The following SMC2 variants were observed in gnomAD, a reference collection of about 807,000 sequenced individuals.
SMC2 encodes the protein structural maintenance of chromosomes protein 2.
In SMC2, 41 loss-of-function variants were observed where a neutral mutation model predicts 142.6. That is an observed-to-expected ratio of 0.29 (90% CI 0.22 to 0.37). The LOEUF (loss-of-function observed/expected upper bound fraction) is 0.37, where lower values mean the gene tolerates loss of function less well. Among genes scored for constraint, SMC2 ranks in the 10% least tolerant of loss-of-function variants. The pLI, the probability that SMC2 is intolerant of heterozygous loss-of-function variation, is 1.00. For missense variants in SMC2, 1,265 were observed against 1,373.7 expected, an observed-to-expected ratio of 0.92 and a Z score of 1.25; for synonymous variants, 463 against 457.5, an observed-to-expected ratio of 1.01 and a Z score of -0.15.
At chr9:104,095,037 A>G (rs1830302117) in intron 1 of SMC2, among the ~76,000 whole-genome samples, 1 of 152,188 alleles carries the variant, frequency 6.6e-6, no homozygotes, top group African/African-American at 2.4e-5. Context: ...GGGATATGTA[A>G]TAATCCATAG....
Position 104,120,179 on chromosome 9 carries a change from CT to C in SMC2, c.2132+24del. On this transcript the variant is annotated intron_variant, in intron 16 of 24. Coordinates refer to ENST00000374793, the MANE Select transcript of SMC2 (RefSeq NM_006444.3). The stretch of plus-strand genomic sequence containing the variant: ...TGCTGAAAAGTAAGAACTGCATATA[CT>C]TTTTTTAATTAAAGATTTGCATAGT... 1.3e-6 allele frequency: 2 copies of C among 1,563,248 alleles called. No homozygotes were observed. The highest frequency in any genetic ancestry group is 1.7e-6 in the Non-Finnish European group (2 of 1,161,370).
Position 104,120,223 on chromosome 9 carries a change from T to G in SMC2, c.2132+61T>G, listed in dbSNP as rs1833575162. Reference sequence around the variant, plus strand: ...TGCATAGTAGAAAATGATAGAAAATTTACTTTTATTTCAAGAAATACAGCT... The same window carrying G: ...TGCATAGTAGAAAATGATAGAAAATGTACTTTTATTTCAAGAAATACAGCT... On this transcript the variant is annotated intron_variant, in intron 16 of 24. Transcript: ENST00000374793. The G allele has an allele frequency of 4.2e-6, 6 of 1,416,840 alleles. No individual in the cohort carries two copies. The South Asian group carries it at 6.9e-5, about 16-fold the overall frequency. 87.8% of individuals were successfully genotyped at this position (1,416,840 alleles called of 1,614,324 possible). A position where few individuals can be genotyped will look rare whatever the true frequency, so the allele number is the denominator to read the frequency against.
chr9:104,127,871 C>T (rs972248792), intron 20 of SMC2, among the ~76,000 whole-genome samples: 1 of 152,096 alleles, frequency 6.6e-6, no homozygotes, highest in Non-Finnish European at 1.5e-5. Context: ...TACAGGTAAT[C>T]TAAAAAAAGG....
intron 14 of SMC2, among the ~76,000 whole-genome samples, chr9:104,117,607 A>T (rs1035007781): frequency 6.6e-6 from 1 of 152,204 alleles, no homozygotes; most frequent in Non-Finnish European, 1.5e-5. Flanking sequence ...GTGAAATCAA[A>T]TTCCTGATTA....
intron 19 of SMC2, 114 bp from the exon 20 acceptor site, chr9:104,127,171 TC>T: frequency 1.4e-6 from 1 of 728,562 alleles, no homozygotes; most frequent in East Asian, 2.7e-5. Context: ...TGATCATCTC[TC>T]TGCCTGTAAT....
In SMC2 at chr9:104,138,715, T is replaced by G. The variant is rs1054279770; in HGVS notation, c.3418-424T>G. Among the ~76,000 whole-genome samples, 6 of 152,322 alleles carry G rather than the reference T, an allele frequency of 3.9e-5. No individual in the cohort carries two copies. The South Asian group carries it at 1.2e-3, about 32-fold the overall frequency. ...CTCATAGTTACCATGGATTGTGTAT[T>G]TATTATAGCAGTGTTTTGGCAAATA... On this transcript the variant is annotated intron_variant, in intron 24 of 24. Coordinates refer to ENST00000374793, the MANE Select transcript of SMC2 (RefSeq NM_006444.3).
intron 14 of SMC2, 22 bp from the exon 15 acceptor site, chr9:104,118,149 C>T (rs1435996142): frequency 1.9e-6 from 3 of 1,595,612 alleles, no homozygotes; most frequent in African/African-American, 1.3e-5. Flanking sequence ...TGTACTGTGG[C>T]ATATCTGTTG....
intron 7 of SMC2, among the ~76,000 whole-genome samples, chr9:104,101,567 G>C (rs75436537): frequency 1.3e-5 from 2 of 152,060 alleles, no homozygotes; most frequent in Non-Finnish European, 2.9e-5. Context: ...TATGGGAGTC[G>C]TGTTTAGTAA....
At chr9:104,129,498 A>T in intron 20 of SMC2, 147 bp from the exon 21 acceptor site, 1 of 656,292 alleles carries the variant, frequency 1.5e-6, no homozygotes, top group African/African-American at 1.9e-5. Context: ...GTGAAACTCC[A>T]TCTCAAAAAA....
rs186097470 is a variant in SMC2, at chr9:104,095,608, T to C, written c.168+56T>C. ...TTTAAGTTGGCAGGAGAATCCTCACTGAACTTTGGAGACGTCCCGATATTC... is the reference window on the plus strand; with the variant it reads ...TTTAAGTTGGCAGGAGAATCCTCACCGAACTTTGGAGACGTCCCGATATTC... On this transcript the variant is annotated intron_variant, in intron 2 of 24. Coordinates refer to ENST00000374793, the MANE Select transcript of SMC2 (RefSeq NM_006444.3). 4.7e-5 allele frequency: 67 copies of C among 1,429,578 alleles called. No individual in the cohort carries two copies. In the East Asian group the frequency reaches 1.0e-3, roughly 22 times the overall value. 88.6% of individuals were successfully genotyped at this position (1,429,578 alleles called of 1,614,324 possible).
chr9:104,119,092 A>G (rs894342171), intron 15 of SMC2, among the ~76,000 whole-genome samples: 1 of 152,142 alleles, frequency 6.6e-6, no homozygotes, highest in African/African-American at 2.4e-5. Context: ...CACTTGAGGT[A>G]TCAAGTGACT....
intron 9 of SMC2, among the ~76,000 whole-genome samples, chr9:104,110,922 G>A (rs1832367225): frequency 6.6e-6 from 1 of 152,182 alleles, no homozygotes; most frequent in Admixed American, 6.5e-5. Flanking sequence ...CCTTAGAACA[G>A]CGACTTAGTC....
Position 104,098,431 on chromosome 9 carries a change from T to C in SMC2, c.319-15T>C. The C allele has an allele frequency of 6.4e-7, 1 of 1,562,340 alleles. No individual in the cohort carries two copies. The highest frequency in any genetic ancestry group is 8.6e-7 in the Non-Finnish European group (1 of 1,160,420). Reference sequence around the variant, plus strand: ...GCATGTACATTAATATTTAAAAAATTGCTTTCTTTTATAGGTGGTTATTGG... The same window carrying C: ...GCATGTACATTAATATTTAAAAAATCGCTTTCTTTTATAGGTGGTTATTGG... On this transcript the variant is annotated splice_polypyrimidine_tract_variant and intron_variant, in intron 3 of 24. Transcript: ENST00000374793.
chr9:104,116,448 G>T, intron 14 of SMC2, 129 bp downstream of exon 14: 1 of 794,708 alleles, frequency 1.3e-6, no homozygotes, highest in South Asian at 2.0e-5. Context: ...AAATTGGGTT[G>T]GCTTGTGCAA....
At chr9:104,124,876 GT>G in intron 17 of SMC2, 35 bp from the exon 18 acceptor site, 1 of 1,518,118 alleles carries the variant, frequency 6.6e-7, no homozygotes, top group Non-Finnish European at 8.9e-7. Context: ...CTTTACCATT[GT>G]TAACTTAGCC....
In SMC2 at chr9:104,095,649, T is replaced by C. The variant is rs1830371712; in HGVS notation, c.168+97T>C. On this transcript the variant is annotated intron_variant, in intron 2 of 24. Coordinates refer to ENST00000374793, the MANE Select transcript of SMC2 (RefSeq NM_006444.3). Reference sequence around the variant, plus strand: ...CCCGATATTCTCTTCATTTGTGTTTTTATACTTTTTGTAAATTACACCTCA... The same window carrying C: ...CCCGATATTCTCTTCATTTGTGTTTCTATACTTTTTGTAAATTACACCTCA... The C allele has an allele frequency of 7.3e-6, 7 of 957,266 alleles. No individual in the cohort carries two copies. The South Asian group carries it at 9.7e-5, about 13-fold the overall frequency. The allele number at this position is 957,266 out of a possible 1,614,324, so 59.3% of individuals were successfully genotyped here.
chr9:104,107,370 G>A (rs1831926878), intron 9 of SMC2, among the ~76,000 whole-genome samples: 1 of 152,218 alleles, frequency 6.6e-6, no homozygotes, highest in African/African-American at 2.4e-5. Context: ...GGTCTCCCCA[G>A]TGACAAGTTT....
chr9:104,122,961 C>A, intron 16 of SMC2, 147 bp from the exon 17 acceptor site: 2 of 726,646 alleles, frequency 2.8e-6, no homozygotes, highest in Non-Finnish European at 2.0e-6. Context: ...AACTTGAAAG[C>A]CGTCAAAATT....
In SMC2 at chr9:104,104,787, T is replaced by G. The variant is rs541644664; in HGVS notation, c.1020+2214T>G. Among the ~76,000 whole-genome samples the G allele has an allele frequency of 1.6e-4, 25 of 152,318 alleles. No homozygotes were observed. In the East Asian group the frequency reaches 2.9e-3, roughly 18 times the overall value. ...AAGCTGAAGGAGAAGGAGGTTTGTC[T>G]TCTTAGATGGATATAACACTCTGAC... On this transcript the variant is annotated intron_variant, in intron 9 of 24. Transcript: ENST00000374793.
Sources: gnomAD v4.1 joint callset for allele counts (sites outside exome capture counted in the v4.1 genomes callset) on GRCh38, gnomAD v4.1.1 for gene constraint, MANE v1.5 for transcripts, NCBI Gene and HGNC (gene_info 2026-07-23, HGNC 2026-07-21) for gene names.